The following PTPRM variants were observed in gnomAD, a reference collection of about 807,000 sequenced individuals.
PTPRM encodes protein tyrosine phosphatase receptor type M.
In PTPRM, 47 loss-of-function variants were observed where a neutral mutation model predicts 186.7. The ratio of observed to expected loss-of-function variants is 0.25; its 90% confidence interval spans 0.20 to 0.32. PTPRM has a LOEUF of 0.32. Ranked by LOEUF, PTPRM falls within the 10% of genes least tolerant of loss-of-function variation. PTPRM has a pLI of 1.00. For synonymous variants in PTPRM, 668 were observed against 674.9 expected (o/e 0.99, Z 0.16); for missense variants, 1,494 against 1,865.0 (o/e 0.80, Z 3.66).
At chr18:7,645,105 T>G (rs1244008167) in intron 1 of PTPRM, among the ~76,000 whole-genome samples, 1 of 152,136 alleles carries the variant, frequency 6.6e-6, no homozygotes, top group Non-Finnish European at 1.5e-5. Context: ...AAATAATATG[T>G]TTTTCCCTAA....
At chr18:7,906,906 A>T in intron 4 of PTPRM, among the ~76,000 whole-genome samples, 1 of 152,158 alleles carries the variant, frequency 6.6e-6, no homozygotes, top group East Asian at 1.9e-4. Flanking sequence ...CACAAAGTTA[A>T]ATATTGAGAA....
At chr18:7,756,980 G>A (rs2041527669) in intron 1 of PTPRM, among the ~76,000 whole-genome samples, 1 of 152,174 alleles carries the variant, frequency 6.6e-6, no homozygotes, top group South Asian at 2.1e-4. Flanking sequence ...CTGATCTTCA[G>A]CCATGTTTTA....
chr18:8,277,434 G>A (rs2094849177), intron 19 of PTPRM, among the ~76,000 whole-genome samples: 1 of 152,190 alleles, frequency 6.6e-6, no homozygotes, highest in African/African-American at 2.4e-5. Context: ...GTTAGCACTG[G>A]AGAGGCACTG....
intron 2 of PTPRM, among the ~76,000 whole-genome samples, chr18:7,877,562 A>G (rs968166315): frequency 6.6e-6 from 1 of 152,212 alleles, no homozygotes; most frequent in Non-Finnish European, 1.5e-5. Context: ...CACCCTTTTA[A>G]GAAGTATTTT....
chr18:8,118,973 C>T (rs1168344986), intron 13 of PTPRM, among the ~76,000 whole-genome samples: 2 of 151,322 alleles, frequency 1.3e-5, no homozygotes, highest in Non-Finnish European at 2.9e-5. Context: ...AGCTAGAAGT[C>T]AAAGCAAAAA....
rs997283318 is a variant in PTPRM at position 8,149,244 on chromosome 18, A to T, written c.2300+5465A>T. Among the ~76,000 whole-genome samples the T allele has an allele frequency of 2.6e-5, 4 of 152,176 alleles. No homozygotes were observed. The East Asian group carries it at 7.7e-4, about 29-fold the overall frequency. On this transcript the variant is annotated intron_variant, in intron 14 of 32. Transcript: ENST00000580170. ...TCTAATTGATCTGTCTAATATTGAC[A>T]GTGGGGTGTTAAAGTCTCCCACAAT...
At chr18:7,588,740 T>C (rs1382299610) in intron 1 of PTPRM, among the ~76,000 whole-genome samples, 1 of 152,252 alleles carries the variant, frequency 6.6e-6, no homozygotes, top group African/African-American at 2.4e-5. Context: ...TGCCTTAATG[T>C]CACCAGTTCT....
Position 8,255,564 on chromosome 18 carries a change from C to T in PTPRM, c.2754+2150C>T, listed in dbSNP as rs144524928. On this transcript the variant is annotated intron_variant, in intron 19 of 32. Coordinates refer to ENST00000580170, the MANE Select transcript of PTPRM (RefSeq NM_001105244.2). ...AAACTTTTTCTCATTTTAGCTATTC[C>T]GTGGTCAGAGAGGACTGCCAAAAAG... is the stretch of plus-strand genomic sequence containing the variant. 6.3e-3 allele frequency among the ~76,000 whole-genome samples: 961 copies of T among 152,064 alleles called. 10 individuals are homozygous for T. Among genetic ancestry groups the T allele is most frequent in the Middle Eastern group, 0.051 (15 of 294 alleles).
intron 20 of PTPRM, among the ~76,000 whole-genome samples, chr18:8,305,215 C>A (rs1161201855): frequency 1.3e-5 from 2 of 152,046 alleles, no homozygotes; most frequent in Admixed American, 1.3e-4. Flanking sequence ...CTGTTTATAT[C>A]ATTGAATGGT....
At chr18:7,837,553 C>T (rs2046112575) in intron 2 of PTPRM, among the ~76,000 whole-genome samples, 2 of 152,076 alleles carry the variant, frequency 1.3e-5, no homozygotes, top group Admixed American at 1.3e-4. Flanking sequence ...CTCCGAGGTT[C>T]AAGTGATTCT....
intron 13 of PTPRM, among the ~76,000 whole-genome samples, chr18:8,121,612 T>A (rs1254251543): frequency 6.6e-6 from 1 of 152,222 alleles, no homozygotes; most frequent in African/African-American, 2.4e-5. Context: ...TTTCTATTCT[T>A]TTCCAACCAA....
chr18:7,828,799 A>G (rs1000412850), intron 2 of PTPRM, among the ~76,000 whole-genome samples: 1 of 152,228 alleles, frequency 6.6e-6, no homozygotes, highest in South Asian at 2.1e-4. Flanking sequence ...CAGCTGATAT[A>G]GTACCTGTGC....
At chr18:7,763,241 T>G (rs2041861719) in intron 1 of PTPRM, among the ~76,000 whole-genome samples, 1 of 152,218 alleles carries the variant, frequency 6.6e-6, no homozygotes, top group Admixed American at 6.5e-5. Flanking sequence ...TGAAAATTAT[T>G]TGGACCCCAG....
chr18:7,948,285 GAGAGAGAGAGAA>G (rs1355117783), intron 5 of PTPRM, among the ~76,000 whole-genome samples: 3 of 151,542 alleles, frequency 2.0e-5, no homozygotes, highest in African/African-American at 7.3e-5. Context: ...ATTATATATA[GAGAGAGAGAGAA>G]AGAGAGAGAG....
chr18:7,647,233 C>T (rs150945722), intron 1 of PTPRM, among the ~76,000 whole-genome samples: 23 of 152,252 alleles, frequency 1.5e-4, no homozygotes, highest in African/African-American at 5.5e-4. Context: ...TCAATAGTCT[C>T]CTGTCAAGTG....
In PTPRM at chr18:7,955,281, C is replaced by G. The variant is rs34345020; in HGVS notation, c.999C>G (p.Val333=). The change falls in exon 7 of 33, where the codon GTC becomes GTG. Residue 333 remains valine (V), a synonymous_variant. Coordinates refer to ENST00000580170, the MANE Select transcript of PTPRM (RefSeq NM_001105244.2). Reference sequence around the variant, plus strand: ...GGAGCTGGAATGACCGGCAGCCAGTCGATTCCACGAGCTATAAAATTGGAC... The same window carrying G: ...GGAGCTGGAATGACCGGCAGCCAGTGGATTCCACGAGCTATAAAATTGGAC... The part of the protein sequence containing the change: ...ASGSWNDRQP[V]DSTSYKIGHL... The G allele has an allele frequency of 5.6e-6, 9 of 1,614,062 alleles. No homozygotes were observed. The East Asian group carries it at 1.1e-4, about 20-fold the overall frequency.
intron 19 of PTPRM, among the ~76,000 whole-genome samples, chr18:8,278,492 C>A (rs1191982734): frequency 6.6e-6 from 1 of 152,236 alleles, no homozygotes; most frequent in Non-Finnish European, 1.5e-5. Flanking sequence ...CATTAAACCT[C>A]ACCCTTCACT....
chr18:7,604,405 A>G (rs139819811), intron 1 of PTPRM, among the ~76,000 whole-genome samples: 18 of 152,348 alleles, frequency 1.2e-4, no homozygotes, highest in Admixed American at 2.0e-4. Flanking sequence ...TTCCTGTGGA[A>G]TATGTGCTAT....
At chr18:8,086,211 A>G (rs577765291) in intron 10 of PTPRM, among the ~76,000 whole-genome samples, 8 of 152,232 alleles carry the variant, frequency 5.3e-5, no homozygotes, top group Admixed American at 2.0e-4. Flanking sequence ...GTAATGAACC[A>G]TGAACCATCG....
Sources: gnomAD v4.1 joint callset for allele counts (sites outside exome capture counted in the v4.1 genomes callset) on GRCh38, gnomAD v4.1.1 for gene constraint, MANE v1.5 for transcripts, NCBI Gene and HGNC (gene_info 2026-07-23, HGNC 2026-07-21) for gene names.